Variants in TMEM236 observed in about 807,000 individuals in gnomAD.
TMEM236 encodes the protein family with sequence similarity 23, member A.
A neutral mutation model predicts 14.7 loss-of-function variants in TMEM236; 11 were observed. That is an observed-to-expected ratio of 0.75 (90% CI 0.47 to 1.24). The LOEUF (loss-of-function observed/expected upper bound fraction) is 1.24, where lower values mean the gene tolerates loss of function less well. Among genes scored for constraint, TMEM236 ranks in the 50% most tolerant of loss-of-function variants. TMEM236 has a pLI of 0.00. For missense variants in TMEM236, 464 were observed against 427.3 expected, an observed-to-expected ratio of 1.09 and a Z score of -0.76; for synonymous variants, 182 against 168.6, an observed-to-expected ratio of 1.08 and a Z score of -0.62.
chr10:17,764,980 C>A (rs1231835893), intron 1 of TMEM236, among the ~76,000 whole-genome samples: 3 of 151,884 alleles, frequency 2.0e-5, no homozygotes, highest in African/African-American at 4.8e-5. Flanking sequence ...CACTACCATG[C>A]CAAGCTAATT....
chr10:17,770,902 G>C lies in TMEM236; in HGVS notation c.258-407G>C, dbSNP rs922069716. The stretch of plus-strand genomic sequence containing the variant: ...ATTTAATAGTTTATCATCTCTAAAT[G>C]TACTTTTTGAAATATAAATTTTACA... On this transcript the variant is annotated intron_variant, in intron 1 of 3. Transcript: ENST00000377495. Among the ~76,000 whole-genome samples, 608 of 152,170 alleles carry C rather than the reference G, an allele frequency of 4.0e-3. 11 individuals carry two copies. Among genetic ancestry groups the C allele is most frequent in the East Asian group, 0.018 (91 of 5,176 alleles).
intron 3 of TMEM236, among the ~76,000 whole-genome samples, chr10:17,793,030 A>C (rs1247069204): frequency 1.3e-5 from 2 of 152,200 alleles, no homozygotes; most frequent in Admixed American, 6.5e-5. Context: ...CTGGGAGGCC[A>C]TCAAAGCTTT....
chr10:17,792,073 T>G (rs1837934280), intron 3 of TMEM236, among the ~76,000 whole-genome samples: 2 of 143,722 alleles, frequency 1.4e-5, no homozygotes, highest in South Asian at 4.4e-4. Flanking sequence ...TCTTTTTTCT[T>G]TTCTTCCTCT....
intron 1 of TMEM236, among the ~76,000 whole-genome samples, chr10:17,756,881 G>T (rs897508162): frequency 6.6e-6 from 1 of 152,170 alleles, no homozygotes; most frequent in Non-Finnish European, 1.5e-5. Context: ...TCTGGTGTCT[G>T]TTCAGATTTC....
At chr10:17,795,769 C>T (rs931972376) in intron 3 of TMEM236, 152 bp from the exon 4 acceptor site, 2 of 915,646 alleles carry the variant, frequency 2.2e-6, no homozygotes, top group Non-Finnish European at 3.3e-6. Flanking sequence ...CACATGTATC[C>T]TGGAACTTAA....
At position 17,799,739 on chromosome 10, in the gene TMEM236, T is replaced by G. The variant is rs1472145563; in HGVS notation, c.*3235T>G. Reference sequence around the variant, plus strand: ...TATATATTTATCTCCATATTAGAACTTAGCAACAGTGCTCAGATAAACTCA... The same window carrying G: ...TATATATTTATCTCCATATTAGAACGTAGCAACAGTGCTCAGATAAACTCA... On this transcript the variant is annotated 3_prime_UTR_variant, in exon 4 of 4. Coordinates refer to ENST00000377495, the MANE Select transcript of TMEM236 (RefSeq NM_001098844.3). 6.6e-6 allele frequency: 1 copy of G among 152,638 alleles called. No homozygotes were observed. Among genetic ancestry groups the G allele is most frequent in the East Asian group, 1.9e-4 (1 of 5,206 alleles). 9.5% of individuals were successfully genotyped at this position (152,638 alleles called of 1,614,324 possible).
chr10:17,774,446 T>C (rs1272295037), intron 2 of TMEM236, among the ~76,000 whole-genome samples: 8 of 152,266 alleles, frequency 5.3e-5, no homozygotes, highest in Non-Finnish European at 1.2e-4. Context: ...AGTGAGTTAA[T>C]TTTTTTCCCC....
Position 17,759,982 on chromosome 10 carries a change from C to CAAAAAA in TMEM236, c.257+7454_257+7459dup, listed in dbSNP as rs35596189. 1.6e-3 allele frequency among the ~76,000 whole-genome samples: 90 copies of CAAAAAA among 54,662 alleles called. 3 individuals are homozygous for CAAAAAA. The highest frequency in any genetic ancestry group is 5.5e-3 in the African/African-American group (75 of 13,674). 35.9% of individuals were successfully genotyped at this position (54,662 alleles called of 152,430 possible). A position where few individuals can be genotyped will look rare whatever the true frequency, so the allele number is the denominator to read the frequency against. ...TGGACGAAAGAGCGAGACTCCGTCT[C>CAAAAAA]AAAAAAAAAAAAAAAAAAAAAAAAA... is the stretch of plus-strand genomic sequence containing the variant. On this transcript the variant is annotated intron_variant, in intron 1 of 3. Transcript: ENST00000377495.
chr10:17,760,525 A>G (rs1176319002), intron 1 of TMEM236, among the ~76,000 whole-genome samples: 2 of 152,078 alleles, frequency 1.3e-5, no homozygotes, highest in Non-Finnish European at 2.9e-5. Context: ...TTTATTTTTC[A>G]CGTAGTTTAA....
chr10:17,759,180 A>G (rs1416802932), intron 1 of TMEM236, among the ~76,000 whole-genome samples: 7 of 152,214 alleles, frequency 4.6e-5, no homozygotes, highest in Non-Finnish European at 1.0e-4. Flanking sequence ...CTATTTATAT[A>G]CACACCAAAC....
chr10:17,752,989 C>T (rs1221067270), intron 1 of TMEM236, among the ~76,000 whole-genome samples: 4 of 152,092 alleles, frequency 2.6e-5, no homozygotes, highest in African/African-American at 4.8e-5. Flanking sequence ...AGGTTTGTTA[C>T]ATAAGTTAAC....
At chr10:17,794,657 A>G (rs1837980683) in intron 3 of TMEM236, among the ~76,000 whole-genome samples, 2 of 152,136 alleles carry the variant, frequency 1.3e-5, no homozygotes, top group Admixed American at 6.5e-5. Context: ...AATCCTAACG[A>G]TCACTTCTAG....
At chr10:17,778,387 G>GATTTAC (rs1837693057) in intron 3 of TMEM236, among the ~76,000 whole-genome samples, 1 of 152,132 alleles carries the variant, frequency 6.6e-6, no homozygotes, top group East Asian at 1.9e-4. Flanking sequence ...TGAAATTAAT[G>GATTTAC]ATATAAATTA....
intron 1 of TMEM236, 109 bp downstream of exon 1, chr10:17,752,661 G>C (rs1423792880): frequency 1.8e-6 from 2 of 1,085,832 alleles, no homozygotes; most frequent in African/African-American, 1.6e-5. Flanking sequence ...CCGCCTCCTG[G>C]GTTCAAGTGA....
chr10:17,770,822 T>C (rs1837558834), intron 1 of TMEM236, among the ~76,000 whole-genome samples: 1 of 151,170 alleles, frequency 6.6e-6, no homozygotes, highest in African/African-American at 2.4e-5. Flanking sequence ...TATGTGTGTA[T>C]GGTTTTTTTT....
chr10:17,772,539 T>C (rs1837589668), intron 2 of TMEM236, among the ~76,000 whole-genome samples: 2 of 152,230 alleles, frequency 1.3e-5, no homozygotes, highest in Non-Finnish European at 2.9e-5. Context: ...ATAGCCCTTT[T>C]TGGCTCTTTT....
chr10:17,789,500 C>T lies in TMEM236; in HGVS notation c.473-6421C>T, dbSNP rs911886529. Among the ~76,000 whole-genome samples the T allele has an allele frequency of 5.6e-3, 854 of 152,284 alleles. 13 individuals are homozygous for T. The highest frequency in any genetic ancestry group is 0.02 in the African/African-American group (812 of 41,560). On this transcript the variant is annotated intron_variant, in intron 3 of 3. Transcript: ENST00000377495. ...AGTGCTTTACAGATGCTGACGAATTCCTTCACTGTGAGGTTGATGTCCCAT... is the reference window on the plus strand; with the variant it reads ...AGTGCTTTACAGATGCTGACGAATTTCTTCACTGTGAGGTTGATGTCCCAT...
At chr10:17,794,394 T>C (rs1166194895) in intron 3 of TMEM236, among the ~76,000 whole-genome samples, 1 of 152,218 alleles carries the variant, frequency 6.6e-6, no homozygotes, top group Non-Finnish European at 1.5e-5. Context: ...AATGGTGTTT[T>C]AGTGGATAAA....
chr10:17,789,059 G>A (rs1403012832), intron 3 of TMEM236, among the ~76,000 whole-genome samples: 4 of 152,126 alleles, frequency 2.6e-5, no homozygotes, highest in African/African-American at 9.7e-5. Flanking sequence ...CACTATGACC[G>A]ATTTCAAGCT....
Sources: gnomAD v4.1 joint callset for allele counts (sites outside exome capture counted in the v4.1 genomes callset) on GRCh38, gnomAD v4.1.1 for gene constraint, MANE v1.5 for transcripts, NCBI Gene and HGNC (gene_info 2026-07-23, HGNC 2026-07-21) for gene names.